The following C17orf67 variants were observed in gnomAD, a reference collection of about 807,000 sequenced individuals.
C17orf67 encodes the protein chromosome 17 open reading frame 67, also known as uncharacterized protein C17orf67.
A neutral mutation model predicts 11.2 loss-of-function variants in C17orf67; 12 were observed. That is an observed-to-expected ratio of 1.07 (90% CI 0.68 to 1.73). C17orf67 has a LOEUF of 1.73. Ranked by LOEUF, C17orf67 falls within the 40% of genes most tolerant of loss-of-function variation. The probability of loss-of-function intolerance (pLI) is 0.00; values close to 1 mark genes in which losing one functional copy is unlikely to be tolerated. For missense variants in C17orf67, 115 were observed against 113.5 expected, an observed-to-expected ratio of 1.01 and a Z score of -0.06; for synonymous variants, 59 against 46.9, an observed-to-expected ratio of 1.26 and a Z score of -1.05.
chr17:56,826,909 A>T (rs1670996109), intron 2 of C17orf67, among the ~76,000 whole-genome samples: 1 of 152,230 alleles, frequency 6.6e-6, no homozygotes, highest in South Asian at 2.1e-4. Flanking sequence ...AGATGGAAGC[A>T]GGGTGCAGTA....
At chr17:56,800,212 C>T (rs1400874719) in intron 6 of C17orf67, among the ~76,000 whole-genome samples, 1 of 151,986 alleles carries the variant, frequency 6.6e-6, no homozygotes, top group East Asian at 1.9e-4. Context: ...ACTACAGGCA[C>T]CCACCATCAC....
At chr17:56,828,117 A>AC (rs1385274241) in intron 2 of C17orf67, among the ~76,000 whole-genome samples, 1 of 150,994 alleles carries the variant, frequency 6.6e-6, no homozygotes, top group African/African-American at 2.4e-5. Flanking sequence ...CAAAAAAAAA[A>AC]AAAAAAAGCC....
intron 2 of C17orf67, among the ~76,000 whole-genome samples, chr17:56,831,920 T>C (rs1185367220): frequency 6.6e-6 from 1 of 152,140 alleles, no homozygotes; most frequent in Non-Finnish European, 1.5e-5. Context: ...CTTCCCCCTA[T>C]ATCAAAACGC....
chr17:56,816,685 C>G (rs1002731812), intron 4 of C17orf67, among the ~76,000 whole-genome samples: 4 of 152,188 alleles, frequency 2.6e-5, no homozygotes, highest in African/African-American at 9.7e-5. Context: ...TTTTACAGGG[C>G]CTCACGCAAC....
chr17:56,814,514 T>G (rs927298215), intron 6 of C17orf67, among the ~76,000 whole-genome samples: 3 of 152,144 alleles, frequency 2.0e-5, no homozygotes, highest in African/African-American at 7.2e-5. Context: ...TGGTCCAGCC[T>G]GCTCCGGGGC....
chr17:56,802,126 A>G (rs1905337461), intron 6 of C17orf67, among the ~76,000 whole-genome samples: 1 of 152,162 alleles, frequency 6.6e-6, no homozygotes, highest in African/African-American at 2.4e-5. Context: ...AGTAGCCTGC[A>G]TTTGTCCCTC....
chr17:56,803,832 G>A (rs1472442684), intron 6 of C17orf67: 1 of 152,178 alleles, frequency 6.6e-6, no homozygotes, highest in African/African-American at 2.4e-5. Context: ...AGAAAGAAAT[G>A]AGCACTGGTT....
At chr17:56,807,837 C>T (rs1247644677) in intron 6 of C17orf67, among the ~76,000 whole-genome samples, 2 of 151,698 alleles carry the variant, frequency 1.3e-5, no homozygotes, top group East Asian at 3.9e-4. Flanking sequence ...CTCCAGTGAG[C>T]CATGATCGCA....
intron 2 of C17orf67, among the ~76,000 whole-genome samples, chr17:56,828,650 A>C (rs1906106918): frequency 1.3e-5 from 2 of 152,210 alleles, no homozygotes; most frequent in South Asian, 4.1e-4. Context: ...AACATATTGA[A>C]GATTGGGAGC....
intron 4 of C17orf67, among the ~76,000 whole-genome samples, chr17:56,822,450 TTTC>T (rs1905926944): frequency 6.6e-6 from 1 of 152,084 alleles, no homozygotes; most frequent in African/African-American, 2.4e-5. Context: ...ATTGGGGAAA[TTTC>T]TTAACTTTCC....
chr17:56,818,751 G>A (rs1221928325), intron 4 of C17orf67, among the ~76,000 whole-genome samples: 1 of 152,092 alleles, frequency 6.6e-6, no homozygotes, highest in African/African-American at 2.4e-5. Flanking sequence ...GTCAATGAGA[G>A]ATTTTATGCC....
At position 56,793,313 on chromosome 17, in the gene C17orf67, A is replaced by G. The variant is rs1435897449; in HGVS notation, c.*21-961T>C. 2.0e-5 allele frequency among the ~76,000 whole-genome samples: 3 copies of G among 152,084 alleles called. No homozygotes were observed. The East Asian group carries it at 5.8e-4, about 29-fold the overall frequency. On this transcript the variant is annotated intron_variant, in intron 7 of 7. Transcript: ENST00000397861. ...TTATCTGAAGGCTGTCTGACTCCCA[A>G]TTCCAAGTTAACACATTTCTCCAGC...
At chr17:56,828,590 G>A (rs190609118) in intron 2 of C17orf67, among the ~76,000 whole-genome samples, 2 of 152,198 alleles carry the variant, frequency 1.3e-5, no homozygotes, top group Non-Finnish European at 2.9e-5. Context: ...TATATACATA[G>A]TTTCTAACAT....
intron 5 of C17orf67, among the ~76,000 whole-genome samples, 185 bp from the exon 6 acceptor site, chr17:56,815,154 A>C (rs1905728931): frequency 6.6e-6 from 1 of 152,244 alleles, no homozygotes. Context: ...AATTGTTTCT[A>C]ACATGATTAC....
At position 56,829,202 on chromosome 17, in the gene C17orf67, G is replaced by C. The variant is rs541743236; in HGVS notation, c.-557+3696C>G. On this transcript the variant is annotated intron_variant, in intron 2 of 7. Transcript: ENST00000397861. ...GGAGCAGGAGAATTGCTTGAACCTG[G>C]GAGGTGGAGATTGCAGTGAGCTGAG... is the stretch of plus-strand genomic sequence containing the variant. Among the ~76,000 whole-genome samples the C allele has an allele frequency of 2.1e-3, 319 of 152,248 alleles. 1 individual carries two copies. Among genetic ancestry groups the C allele is most frequent in the Non-Finnish European group, 3.9e-3 (262 of 68,020 alleles).
intron 6 of C17orf67, among the ~76,000 whole-genome samples, chr17:56,813,135 C>T (rs535470986): frequency 9.1e-4 from 139 of 152,234 alleles, no homozygotes; most frequent in African/African-American, 3.0e-3. Flanking sequence ...CAGCCCCTGC[C>T]GGGTCCCTGA....
At chr17:56,799,371 T>C (rs570103977) in intron 6 of C17orf67, among the ~76,000 whole-genome samples, 2 of 152,256 alleles carry the variant, frequency 1.3e-5, no homozygotes, top group Non-Finnish European at 1.5e-5. Context: ...TTTAGTAATA[T>C]GCATTTAAGT....
intron 5 of C17orf67, 75 bp downstream of exon 5, chr17:56,815,673 TAAAATTAA>T (rs1905742114): frequency 8.2e-7 from 1 of 1,225,532 alleles, no homozygotes; most frequent in Admixed American, 2.9e-5. Context: ...ATATATTATT[TAAAATTAA>T]AAAATTAAAT....
chr17:56,807,386 C>T (rs1308676152), intron 6 of C17orf67, among the ~76,000 whole-genome samples: 1 of 152,180 alleles, frequency 6.6e-6, no homozygotes, highest in African/African-American at 2.4e-5. Flanking sequence ...TTGCAGTTCT[C>T]CAAGACAGCA....
Sources: allele counts gnomAD v4.1 joint callset (sites outside exome capture counted in the v4.1 genomes callset), GRCh38; gene constraint gnomAD v4.1.1; transcripts MANE v1.5; gene names NCBI Gene and HGNC (gene_info 2026-07-23, HGNC 2026-07-21).